VPS13C: variants seen among roughly 807,000 people sequenced by gnomAD.
The protein encoded by VPS13C is intermembrane lipid transfer protein VPS13C.
VPS13C carries 358 observed loss-of-function variants against 456.8 expected under a neutral mutation model. That is an observed-to-expected ratio of 0.78 (90% CI 0.72 to 0.86). The LOEUF (loss-of-function observed/expected upper bound fraction) is 0.86. Ranked by LOEUF, VPS13C falls within the 40% of genes least tolerant of loss-of-function variation. VPS13C has a pLI of 0.00. For missense variants in VPS13C, 4,818 were observed against 4,385.4 expected, an observed-to-expected ratio of 1.10 and a Z score of -2.79; for synonymous variants, 1,578 against 1,486.7, an observed-to-expected ratio of 1.06 and a Z score of -1.41.
chr15:61,860,894 A>G (rs1037055832), intron 82 of VPS13C, among the ~76,000 whole-genome samples: 1 of 151,904 alleles, frequency 6.6e-6, no homozygotes, highest in Non-Finnish European at 1.5e-5. Flanking sequence ...CAAAACGTGC[A>G]AGCAAATCTA....
At chr15:62,052,400 G>A (rs940965651) in intron 1 of VPS13C, among the ~76,000 whole-genome samples, 6 of 152,062 alleles carry the variant, frequency 3.9e-5, no homozygotes, top group South Asian at 2.1e-4. Context: ...ACCAGGCCTG[G>A]TGCGGTGACT....
intron 12 of VPS13C, among the ~76,000 whole-genome samples, chr15:62,010,809 G>A (rs1366089265): frequency 6.6e-6 from 1 of 152,104 alleles, no homozygotes; most frequent in Non-Finnish European, 1.5e-5. Flanking sequence ...AATCTCCAAG[G>A]AGGAAATTGG....
In VPS13C at chr15:61,910,251, C is replaced by T; in HGVS notation, c.8770G>A (p.Gly2924Ser). ...LSGKLCVRVVGCEGSSKPFFY... is the reference protein window; with the variant it reads ...LSGKLCVRVVSCEGSSKPFFY... ...AATGGTTTGGAAGATCCTTCACAGC[C>T]CACCACTCTCACACAAAGTTTGCCT... The change falls in exon 64 of 85, where the codon GGC becomes AGC. Residue 2924 changes from glycine (G) to serine (S), a missense_variant. Gly to Ser is a moderately conservative substitution (Grantham distance 56). Transcript: ENST00000644861. 2 of 1,529,450 alleles carry T rather than the reference C, an allele frequency of 1.3e-6. No individual in the cohort carries two copies. Among genetic ancestry groups the T allele is most frequent in the Non-Finnish European group, 1.8e-6 (2 of 1,132,708 alleles). The allele number at this position is 1,529,450 out of a possible 1,614,324, so 94.7% of individuals were successfully genotyped here. A position where few individuals can be genotyped will look rare whatever the true frequency, so the allele number is the denominator to read the frequency against.
chr15:61,871,140 C>T (rs1306247285), intron 79 of VPS13C, among the ~76,000 whole-genome samples: 1 of 152,012 alleles, frequency 6.6e-6, no homozygotes, highest in Non-Finnish European at 1.5e-5. Context: ...TTGATGAAGT[C>T]CAATTTATGT....
At chr15:62,036,160 A>G (rs183385245) in intron 3 of VPS13C, among the ~76,000 whole-genome samples, 7 of 152,050 alleles carry the variant, frequency 4.6e-5, no homozygotes, top group Non-Finnish European at 8.8e-5. Context: ...TTTAAAATCT[A>G]TAGGTCTCTC....
At position 61,925,519 on chromosome 15, in the gene VPS13C, T is replaced by C. The variant is rs2043819347; in HGVS notation, c.6546A>G (p.Glu2182=). ...TVLQPCSLFM[E]KCTWASGKQN... ...GCTTTCCTGAAGCCCACGTACATTT[T>C]TCCATAAATAAAGAACAGGGCTGCA... The change falls in exon 53 of 85, where the codon GAA becomes GAG. Residue 2182 remains glutamate, a synonymous_variant. Transcript: ENST00000644861. The C allele has an allele frequency of 1.4e-5, 22 of 1,604,508 alleles. No individual in the cohort carries two copies. The highest frequency in any genetic ancestry group is 1.9e-5 in the Non-Finnish European group (22 of 1,175,876).
In VPS13C at chr15:61,854,529, C is replaced by T. The variant is rs756756241; in HGVS notation, c.11190G>A (p.Gln3730=). The T allele has an allele frequency of 1.9e-6, 3 of 1,614,074 alleles. No homozygotes were observed. Among genetic ancestry groups the T allele is most frequent in the South Asian group, 2.2e-5 (2 of 91,076 alleles). ...ERACNAIEDA[Q]STRQQQKLMK... is the part of the protein sequence containing the mutation. ...TCAATTTTTGCTGCTGTCTCGTTGA[C>T]TGTGCATCCTCAATGGCATTACATG... The change falls in exon 85 of 85, where the codon CAG becomes CAA. Residue 3730 remains glutamine, a synonymous_variant. Coordinates refer to ENST00000644861, the MANE Select transcript of VPS13C (RefSeq NM_020821.3).
intron 62 of VPS13C, 127 bp downstream of exon 62, chr15:61,913,184 T>C (rs535813692): frequency 2.5e-6 from 2 of 790,906 alleles, no homozygotes; most frequent in Admixed American, 2.2e-5. Context: ...TTACTGGGTA[T>C]ATACCCAAAG....
intron 12 of VPS13C, among the ~76,000 whole-genome samples, chr15:62,011,815 AAAAC>A (rs1664338564): frequency 6.6e-6 from 1 of 151,982 alleles, no homozygotes; most frequent in Admixed American, 6.6e-5. Context: ...TCTAAATCCT[AAAAC>A]AAAGAATACA....
rs963024 is a variant in VPS13C, at chr15:61,919,251, G to A, written c.7638+38C>T. ...AGCTAAATGATTTAACCATTTCTTG[G>A]TACACTGAAAGGGATACAATTAACT... On this transcript the variant is annotated intron_variant, in intron 58 of 84. Transcript: ENST00000644861. The A allele has an allele frequency of 0.58, 907,588 of 1,553,322 alleles. 268,287 individuals are homozygous for A. The highest frequency in any genetic ancestry group is 0.76 in the East Asian group (31,348 of 40,996).
intron 63 of VPS13C, 121 bp downstream of exon 63, chr15:61,911,719 G>A: frequency 1.0e-6 from 1 of 1,004,854 alleles, no homozygotes; most frequent in South Asian, 3.2e-5. Context: ...TTTCAAAGCT[G>A]GCTGTCATAT....
At chr15:61,869,194 T>C (rs906212602) in intron 80 of VPS13C, among the ~76,000 whole-genome samples, 10 of 149,642 alleles carry the variant, frequency 6.7e-5, no homozygotes, top group African/African-American at 2.5e-4. Context: ...CTCAGCTCAC[T>C]GCAACCTCCG....
At chr15:62,036,708 C>G (rs955604972) in intron 3 of VPS13C, among the ~76,000 whole-genome samples, 1 of 152,016 alleles carries the variant, frequency 6.6e-6, no homozygotes, top group African/African-American at 2.4e-5. Flanking sequence ...CAGAAAGGGA[C>G]TGTCTGTTCC....
chr15:61,915,919 C>T lies in VPS13C; in HGVS notation c.8159G>A (p.Gly2720Asp). 6.2e-7 allele frequency: 1 copy of T among 1,613,880 alleles called. No homozygotes were observed. The highest frequency in any genetic ancestry group is 1.7e-5 in the Admixed American group (1 of 59,968). Residue 2720 changes from glycine (G) to aspartate (D), a missense_variant, in exon 61 of 85, where the codon GGC becomes GAC. Around this residue, in one of 3 missense-constraint regions of VPS13C, gnomAD observed 4,552 missense variants for 4,130.6 expected, o/e 1.10. Coordinates refer to ENST00000644861, the MANE Select transcript of VPS13C (RefSeq NM_020821.3). Reference protein sequence around the residue: ...IMELVLVKYQGKNWNGHFRIR... With the variant: ...IMELVLVKYQDKNWNGHFRIR... Reference sequence around the variant, plus strand: ...GCGGAAATGTCCATTCCAGTTTTTGCCCTGGTATTTCACCAGGACTAATTC... The same window carrying T: ...GCGGAAATGTCCATTCCAGTTTTTGTCCTGGTATTTCACCAGGACTAATTC...
intron 82 of VPS13C, among the ~76,000 whole-genome samples, chr15:61,859,711 C>T (rs1156247524): frequency 1.3e-5 from 2 of 152,176 alleles, no homozygotes; most frequent in Non-Finnish European, 2.9e-5. Context: ...CTCTGTCCAT[C>T]GCTCTTCTTA....
At chr15:61,964,639 C>A in intron 31 of VPS13C, 60 bp downstream of exon 31, 1 of 1,467,130 alleles carries the variant, frequency 6.8e-7, no homozygotes, top group African/African-American at 1.4e-5. Flanking sequence ...TAGTATTCCT[C>A]ATTTAGCTTT....
chr15:61,907,392 T>C lies in VPS13C; in HGVS notation c.8979-2A>G, dbSNP rs1159565901. The C allele has an allele frequency of 2.5e-6, 4 of 1,613,298 alleles. No homozygotes were observed. In the Admixed American group the frequency reaches 5.0e-5, roughly 20 times the overall value. On this transcript the variant is annotated splice_acceptor_variant, in intron 65 of 84. Transcript: ENST00000644861. LOFTEE classifies it high-confidence loss of function. ...AAGACCATTTCTTCTGGTGACCCAC[T>C]AAAACACAATGAACAGAGAGAAAAT...
intron 1 of VPS13C, among the ~76,000 whole-genome samples, chr15:62,049,328 C>A (rs897420115): frequency 1.4e-4 from 22 of 152,120 alleles, no homozygotes; most frequent in South Asian, 4.2e-4. Context: ...ATATGGCTAG[C>A]CAGTTTTCCC....
At chr15:62,008,139 G>A (rs2046914718) in intron 14 of VPS13C, among the ~76,000 whole-genome samples, 1 of 152,158 alleles carries the variant, frequency 6.6e-6, no homozygotes, top group Admixed American at 6.5e-5. Flanking sequence ...GGCTGAGGCA[G>A]GGAGTTGCTT....
Sources: gnomAD v4.1 joint callset for allele counts (sites outside exome capture counted in the v4.1 genomes callset) on GRCh38, gnomAD v4.1.1 for gene constraint, gnomAD v4.1.1 regional missense constraint, MANE v1.5 for transcripts, NCBI Gene and HGNC (gene_info 2026-07-23, HGNC 2026-07-21) for gene names.